Variants in BRDT observed in about 807,000 individuals in gnomAD.
BRDT encodes the protein bromodomain testis associated.
Under a neutral mutation model 113.9 loss-of-function variants are expected in BRDT, and 77 were observed. The ratio of observed to expected loss-of-function variants is 0.68; its 90% CI spans 0.56 to 0.82. BRDT has a LOEUF of 0.82. Ranked by LOEUF, BRDT falls within the 40% of genes least tolerant of loss-of-function variation. The pLI, the probability that BRDT is intolerant of heterozygous loss-of-function variation, is 0.00. For synonymous variants in BRDT, 358 were observed against 366.5 expected (o/e 0.98, Z 0.26); for missense variants, 1,027 against 1,105.4 (o/e 0.93, Z 1.01).
At chr1:91,992,866 T>C (rs1343420235) in intron 14 of BRDT, among the ~76,000 whole-genome samples, 1 of 152,104 alleles carries the variant, frequency 6.6e-6, no homozygotes, top group Non-Finnish European at 1.5e-5. Flanking sequence ...GAAGAAGTTA[T>C]AGATGGTCTG....
intron 12 of BRDT, among the ~76,000 whole-genome samples, chr1:91,985,920 G>T (rs1203935448): frequency 6.6e-6 from 1 of 152,200 alleles, no homozygotes; most frequent in East Asian, 1.9e-4. Flanking sequence ...TTACAGGCGT[G>T]AGCCACCGCG....
chr1:91,979,360 C>G (rs112152724), intron 7 of BRDT, among the ~76,000 whole-genome samples: 1 of 151,898 alleles, frequency 6.6e-6, no homozygotes, highest in Admixed American at 6.6e-5. Flanking sequence ...GTGATCCACC[C>G]GCCTCGGCCT....
intron 18 of BRDT, among the ~76,000 whole-genome samples, chr1:92,006,136 T>G (rs1179885964): frequency 1.3e-5 from 2 of 152,214 alleles, no homozygotes; most frequent in East Asian, 3.8e-4. Context: ...AGACTTATTT[T>G]ATGGCCTGGC....
chr1:91,998,548 G>A (rs1686558888), intron 15 of BRDT, among the ~76,000 whole-genome samples: 1 of 152,054 alleles, frequency 6.6e-6, no homozygotes. Flanking sequence ...AAAATATTTA[G>A]GCTGTTATAT....
intron 1 of BRDT, among the ~76,000 whole-genome samples, chr1:91,953,917 A>C (rs139144192): frequency 6.6e-6 from 1 of 151,976 alleles, no homozygotes; most frequent in African/African-American, 2.4e-5. Context: ...TCATCTGCTC[A>C]TGATACATTT....
chr1:91,959,419 CTTTTT>C (rs11346071), intron 1 of BRDT, among the ~76,000 whole-genome samples: 4 of 112,792 alleles, frequency 3.5e-5, no homozygotes, highest in Admixed American at 8.9e-5. Context: ...CTTTTTCTTT[CTTTTT>C]TTTTTTTTTT....
chr1:91,999,692 G>A (rs1471794732), intron 15 of BRDT, among the ~76,000 whole-genome samples: 3 of 152,160 alleles, frequency 2.0e-5, no homozygotes, highest in Non-Finnish European at 4.4e-5. Context: ...CATGGAAAAG[G>A]TTGGAAGCAG....
chr1:91,962,786 T>G lies in BRDT; in HGVS notation c.32T>G (p.Ile11Ser), dbSNP rs1682627833. 1.2e-6 allele frequency: 2 copies of G among 1,604,084 alleles called. No homozygotes were observed. The highest frequency in any genetic ancestry group is 1.3e-5 in the African/African-American group (1 of 74,336). Residue 11 changes from isoleucine to serine, a missense_variant, in exon 2 of 19, where the codon ATT becomes AGT. Transcript: ENST00000399546. ...CTGCCAAGTCGACAAACAGCTATTA[T>G]TGTTAACCCTCCTCCACCAGAATAT... Reference protein sequence around the residue: MSLPSRQTAIIVNPPPPEYIN... With the variant: MSLPSRQTAISVNPPPPEYIN...
chr1:91,978,136 T>C, intron 6 of BRDT, 32 bp from the exon 7 acceptor site: 1 of 1,579,282 alleles, frequency 6.3e-7, no homozygotes, highest in Admixed American at 1.7e-5. Context: ...AATTGAACTA[T>C]TTGTGAATCC....
Position 91,981,348 on chromosome 1 carries a change from A to C in BRDT, c.1831A>C (p.Asn611His), listed in dbSNP as rs543622557. The change falls in exon 11 of 19, where the codon AAT becomes CAT. Residue 611 changes from asparagine (N) to histidine (H), a missense_variant. Asn to His is a moderately conservative substitution (Grantham distance 68). Coordinates refer to ENST00000399546, the MANE Select transcript of BRDT (RefSeq NM_207189.4). Reference protein sequence around the residue: ...ELEKRLLDVNNQLNSRKRQTK... With the variant: ...ELEKRLLDVNHQLNSRKRQTK... ...GGAAAAGCGGTTACTGGATGTTAAT[A>C]ATCAGTTAAATTCTAGAAAACGTCA... 6.2e-7 allele frequency: 1 copy of C among 1,614,056 alleles called. No homozygotes were observed. The highest frequency in any genetic ancestry group is 1.1e-5 in the South Asian group (1 of 91,042).
chr1:91,954,385 TC>T (rs937768688), intron 1 of BRDT, among the ~76,000 whole-genome samples: 6 of 146,010 alleles, frequency 4.1e-5, no homozygotes, highest in African/African-American at 1.5e-4. Context: ...GCTCAAGTGA[TC>T]CCCCCACCTC....
chr1:91,949,931 T>C (rs749991205), intron 1 of BRDT: 1 of 151,372 alleles, frequency 6.6e-6, no homozygotes, highest in Non-Finnish European at 1.5e-5. Flanking sequence ...CTGCTGCCTG[T>C]ACTGTAATTT....
intron 6 of BRDT, 200 bp downstream of exon 6, chr1:91,977,593 G>A (rs1040019127): frequency 1.5e-5 from 6 of 409,086 alleles, no homozygotes; most frequent in Admixed American, 4.3e-5. Flanking sequence ...GTTCTAGGCC[G>A]GGCACAGTGG....
At chr1:91,962,585 T>C in intron 1 of BRDT, 133 bp from the exon 2 acceptor site, 1 of 437,578 alleles carries the variant, frequency 2.3e-6, no homozygotes, top group Non-Finnish European at 4.0e-6. Context: ...CCACCCGCCT[T>C]GGCCTCCCAA....
Position 91,980,670 on chromosome 1 carries a change from G to T in BRDT, c.1315G>T (p.Val439Phe). The change falls in exon 9 of 19, where the codon GTT becomes TTT. Residue 439 changes from valine to phenylalanine, a missense_variant. Val to Phe is a conservative substitution (Grantham distance 50). Transcript: ENST00000399546. Reference sequence around the variant, plus strand: ...TAAAGCTGTACATCAACAGCTCCAGGTTTTGTCCCAAGTACCTTTCCGTAA... The same window carrying T: ...TAAAGCTGTACATCAACAGCTCCAGTTTTTGTCCCAAGTACCTTTCCGTAA... ...QLKAVHQQLQ[V>F]LSQVPFRKLN... The T allele has an allele frequency of 6.3e-7, 1 of 1,588,308 alleles. No homozygotes were observed. Among genetic ancestry groups the T allele is most frequent in the East Asian group, 2.2e-5 (1 of 44,614 alleles).
In BRDT at chr1:91,980,654, A is replaced by G; in HGVS notation, c.1299A>G (p.Val433=). ...TTTTCTTTTATCAGCTTAAAGCTGT[A>G]CATCAACAGCTCCAGGTTTTGTCCC... ...LAKLQEQLKA[V]HQQLQVLSQV... is the part of the protein sequence containing the mutation. The change falls in exon 9 of 19, where the codon GTA becomes GTG. Residue 433 remains valine (V), a synonymous_variant. Transcript: ENST00000399546. 6.3e-7 allele frequency: 1 copy of G among 1,575,066 alleles called. No homozygotes were observed.
chr1:91,993,507 G>A (rs1685992025), intron 14 of BRDT, among the ~76,000 whole-genome samples: 1 of 152,106 alleles, frequency 6.6e-6, no homozygotes, highest in Admixed American at 6.5e-5. Flanking sequence ...ACTTACCCTG[G>A]TACCTCACAC....
rs1417352915 is a variant in BRDT, at chr1:91,992,305, C to T, written c.2106C>T (p.Gly702=). Residue 702 remains glycine, a synonymous_variant, in exon 14 of 19, where the codon GGC becomes GGT. Coordinates refer to ENST00000399546, the MANE Select transcript of BRDT (RefSeq NM_207189.4). The part of the protein sequence containing the change: ...NECIPPEGRT[G]VTQIGYCVQD... Reference sequence around the variant, plus strand: ...GCATACCGCCTGAAGGAAGAACAGGCGTCACACAGGTAATGCTTAAAATGT... The same window carrying T: ...GCATACCGCCTGAAGGAAGAACAGGTGTCACACAGGTAATGCTTAAAATGT... The T allele has an allele frequency of 1.4e-5, 21 of 1,506,548 alleles. No homozygotes were observed. The highest frequency in any genetic ancestry group is 1.7e-4 in the Middle Eastern group (1 of 5,848). The allele number at this position is 1,506,548 out of a possible 1,614,324, so 93.3% of individuals were successfully genotyped here.
chr1:91,960,088 C>T (rs761949352), intron 1 of BRDT, among the ~76,000 whole-genome samples: 3 of 152,042 alleles, frequency 2.0e-5, no homozygotes, highest in Non-Finnish European at 2.9e-5. Context: ...AACTCTTGTA[C>T]GTTGTTAGTG....
Sources: allele counts gnomAD v4.1 joint callset (sites outside exome capture counted in the v4.1 genomes callset), GRCh38; gene constraint gnomAD v4.1.1; transcripts MANE v1.5; gene names NCBI Gene and HGNC (gene_info 2026-07-23, HGNC 2026-07-21).